Variants in TNRC6A observed in about 807,000 individuals in gnomAD.
TNRC6A encodes trinucleotide repeat containing adaptor 6A.
TNRC6A carries 44 observed loss-of-function variants against 221.2 expected under a neutral mutation model. The ratio of observed to expected loss-of-function variants is 0.20; its 90% CI spans 0.16 to 0.26. The LOEUF (loss-of-function observed/expected upper bound fraction) is 0.26. Ranked by LOEUF, TNRC6A falls within the 10% of genes least tolerant of loss-of-function variation. TNRC6A has a pLI of 1.00. For missense variants in TNRC6A, 2,199 were observed against 2,404.4 expected (o/e 0.91, Z 1.79); for synonymous variants, 847 against 838.5 (o/e 1.01, Z -0.18).
At chr16:24,750,377 C>G (rs1301903497) in intron 2 of TNRC6A, among the ~76,000 whole-genome samples, 1 of 152,078 alleles carries the variant, frequency 6.6e-6, no homozygotes, top group Non-Finnish European at 1.5e-5. Context: ...CTAATTGATA[C>G]TTGGGGCCAG....
chr16:24,770,968 G>T (rs2057577847), intron 4 of TNRC6A, among the ~76,000 whole-genome samples: 1 of 152,128 alleles, frequency 6.6e-6, no homozygotes, highest in Non-Finnish European at 1.5e-5. Context: ...TTTATTATGA[G>T]TATATAGTGG....
intron 2 of TNRC6A, among the ~76,000 whole-genome samples, chr16:24,651,350 C>A (rs567155672): frequency 2.2e-4 from 33 of 150,244 alleles, no homozygotes; most frequent in African/African-American, 8.1e-4. Context: ...ACCAGCCTGA[C>A]CAACATGGAG....
chr16:24,641,079 G>A (rs1359480854), intron 2 of TNRC6A: 2 of 152,234 alleles, frequency 1.3e-5, no homozygotes, highest in African/African-American at 2.4e-5. Context: ...TTCCAACTAA[G>A]GAAACCAGAG....
intron 2 of TNRC6A, among the ~76,000 whole-genome samples, chr16:24,721,149 T>A (rs759745974): frequency 3.9e-5 from 6 of 152,224 alleles, no homozygotes; most frequent in Non-Finnish European, 8.8e-5. Context: ...GAACTCTTGA[T>A]GAGGTTGAGA....
At chr16:24,715,218 A>C (rs184228725) in intron 2 of TNRC6A, among the ~76,000 whole-genome samples, 159 of 152,178 alleles carry the variant, frequency 1.0e-3, no homozygotes, top group African/African-American at 3.7e-3. Flanking sequence ...ATCTTTTAGA[A>C]ATCCCTTCCT....
chr16:24,679,123 C>T (rs1050486129), intron 2 of TNRC6A, among the ~76,000 whole-genome samples: 2 of 151,550 alleles, frequency 1.3e-5, no homozygotes, highest in East Asian at 1.9e-4. Context: ...CTCAGCCTCC[C>T]GAGTAGCTGG....
intron 1 of TNRC6A, among the ~76,000 whole-genome samples, chr16:24,625,868 C>T (rs1047734108): frequency 5.9e-5 from 9 of 151,980 alleles, no homozygotes; most frequent in African/African-American, 2.2e-4. Flanking sequence ...GCCGAGATCG[C>T]ACCATTACAC....
At chr16:24,673,589 C>G (rs1425093154) in intron 2 of TNRC6A, among the ~76,000 whole-genome samples, 1 of 152,160 alleles carries the variant, frequency 6.6e-6, no homozygotes, top group Non-Finnish European at 1.5e-5. Context: ...GAGACAGGGT[C>G]TCACTCTGTC....
intron 2 of TNRC6A, among the ~76,000 whole-genome samples, chr16:24,737,008 G>T (rs1321954636): frequency 6.6e-6 from 1 of 152,184 alleles, no homozygotes; most frequent in Non-Finnish European, 1.5e-5. Flanking sequence ...TTGGGGCTGG[G>T]CTTGTAATAC....
rs1489158912 is a variant in TNRC6A, at chr16:24,805,709, G to C, written c.4227G>C (p.Gln1409His). Residue 1409 changes from glutamine to histidine, a missense_variant, in exon 15 of 25, where the codon CAG becomes CAC. Around this residue, in one of 8 missense-constraint regions of TNRC6A, gnomAD observed 449 missense variants for 579.7 expected, o/e 0.77. Coordinates refer to ENST00000395799, the MANE Select transcript of TNRC6A (RefSeq NM_014494.4). ...AMLNQLSQLN[Q>H]LSQISQLQRL... is the part of the protein sequence containing the mutation. ...TGAACCAGCTATCCCAGCTAAACCAGCTTTCTCAGATCTCCCAGTTACAGG... is the reference window on the plus strand; with the variant it reads ...TGAACCAGCTATCCCAGCTAAACCACCTTTCTCAGATCTCCCAGTTACAGG... The C allele has an allele frequency of 6.2e-7, 1 of 1,614,166 alleles. No homozygotes were observed. The highest frequency in any genetic ancestry group is 8.5e-7 in the Non-Finnish European group (1 of 1,180,026).
intron 6 of TNRC6A, among the ~76,000 whole-genome samples, chr16:24,792,062 G>A (rs967304491): frequency 3.3e-5 from 5 of 152,152 alleles, no homozygotes; most frequent in Non-Finnish European, 7.3e-5. Flanking sequence ...GGACAAAGGC[G>A]GTCAAGTGGG....
intron 2 of TNRC6A, among the ~76,000 whole-genome samples, chr16:24,659,160 T>A: frequency 6.6e-6 from 1 of 152,234 alleles, no homozygotes; most frequent in East Asian, 1.9e-4. Flanking sequence ...ATTTTATTCC[T>A]TCTTATTTCT....
At chr16:24,643,579 C>T (rs1236557152) in intron 2 of TNRC6A, among the ~76,000 whole-genome samples, 1 of 152,160 alleles carries the variant, frequency 6.6e-6, no homozygotes, top group African/African-American at 2.4e-5. Flanking sequence ...ACTGCTTATT[C>T]TTCTGTTCGG....
rs2056603323 is a variant in TNRC6A, at chr16:24,730,402, C to A, written c.53+102C>A. The A allele has an allele frequency of 5.7e-6, 8 of 1,397,844 alleles. No homozygotes were observed. The South Asian group carries it at 1.0e-4, about 18-fold the overall frequency. The allele number at this position is 1,397,844 out of a possible 1,614,324, so 86.6% of individuals were successfully genotyped here. ...AGAAGTTCCCCCGTGACATTTTCTT[C>A]CGCACCCGGAGAGCAGACATTCGGG... On this transcript the variant is annotated intron_variant, in intron 2 of 24. Transcript: ENST00000395799.
chr16:24,721,205 A>G (rs758238717), intron 2 of TNRC6A, among the ~76,000 whole-genome samples: 1 of 152,204 alleles, frequency 6.6e-6, no homozygotes, highest in Non-Finnish European at 1.5e-5. Flanking sequence ...AGTTTCTTAT[A>G]TAGTCAAATA....
At chr16:24,815,929 T>TA (rs1245903988) in intron 19 of TNRC6A, 1 of 154,394 alleles carries the variant, frequency 6.5e-6, no homozygotes, top group East Asian at 1.9e-4. Flanking sequence ...ACATAGGAGT[T>TA]ACCAGAAGTG....
intron 2 of TNRC6A, among the ~76,000 whole-genome samples, chr16:24,733,425 G>A (rs997230962): frequency 6.6e-6 from 1 of 152,156 alleles, no homozygotes; most frequent in Non-Finnish European, 1.5e-5. Flanking sequence ...TAGGTAAACT[G>A]TCTTTTAAAA....
intron 4 of TNRC6A, among the ~76,000 whole-genome samples, chr16:24,764,245 T>G (rs1465858991): frequency 6.6e-6 from 1 of 152,114 alleles, no homozygotes; most frequent in Non-Finnish European, 1.5e-5. Context: ...GGTTCATCCA[T>G]GTTGTGGCAA....
chr16:24,784,064 C>T (rs949836727), intron 5 of TNRC6A, among the ~76,000 whole-genome samples: 3 of 152,152 alleles, frequency 2.0e-5, no homozygotes, highest in East Asian at 1.9e-4. Context: ...TGCAGTGGTG[C>T]GATCTCGACT....
Sources: gnomAD v4.1 joint callset for allele counts (sites outside exome capture counted in the v4.1 genomes callset) on GRCh38, gnomAD v4.1.1 for gene constraint, gnomAD v4.1.1 regional missense constraint, MANE v1.5 for transcripts, NCBI Gene and HGNC (gene_info 2026-07-23, HGNC 2026-07-21) for gene names.